Variants in NKAIN1 observed in about 807,000 individuals in gnomAD.
NKAIN1 encodes sodium/potassium-transporting ATPase subunit beta-1-interacting protein 1.
NKAIN1 carries 13 observed loss-of-function variants against 31.6 expected under a neutral mutation model. That is an observed-to-expected ratio of 0.41 (90% CI 0.27 to 0.65). The LOEUF (loss-of-function observed/expected upper bound fraction) is 0.65, where lower values mean the gene tolerates loss of function less well. NKAIN1 is among the 30% of genes least tolerant of loss of function. NKAIN1 has a pLI of 0.30. For missense variants in NKAIN1, 193 were observed against 262.2 expected (o/e 0.74, Z 1.82); for synonymous variants, 104 against 109.0 (o/e 0.95, Z 0.28).
chr1:31,208,977 G>C (rs1034223082), intron 1 of NKAIN1, among the ~76,000 whole-genome samples: 1 of 152,176 alleles, frequency 6.6e-6, no homozygotes, highest in Non-Finnish European at 1.5e-5. Context: ...GGATCCAATG[G>C]GGTAACTGAC....
chr1:31,214,490 G>A (rs972458114), intron 1 of NKAIN1, among the ~76,000 whole-genome samples: 1 of 151,896 alleles, frequency 6.6e-6, no homozygotes, highest in Non-Finnish European at 1.5e-5. Flanking sequence ...AACCAGAAAC[G>A]GATCTTGGCC....
At chr1:31,192,643 G>A (rs375694874) in intron 1 of NKAIN1, among the ~76,000 whole-genome samples, 15 of 151,464 alleles carry the variant, frequency 9.9e-5, no homozygotes, top group South Asian at 8.4e-4. Flanking sequence ...CTCCACTTCC[G>A]GGGTTCACGC....
intron 1 of NKAIN1, among the ~76,000 whole-genome samples, chr1:31,218,005 A>C (rs1645526028): frequency 8.5e-6 from 1 of 118,106 alleles, no homozygotes; most frequent in East Asian, 2.5e-4. Flanking sequence ...CCATAATCAC[A>C]GCAGCTACCA....
chr1:31,226,312 C>CAA (rs10671984), intron 1 of NKAIN1, among the ~76,000 whole-genome samples: 38,979 of 144,980 alleles, frequency 0.27, 6,951 homozygotes, highest in African/African-American at 0.52. Context: ...AGAAATGCAG[C>CAA]AAAAAAAAAA....
intron 1 of NKAIN1, among the ~76,000 whole-genome samples, chr1:31,237,846 AT>A: frequency 1.3e-5 from 2 of 152,152 alleles, no homozygotes; most frequent in African/African-American, 4.8e-5. Flanking sequence ...GTATGTATTT[AT>A]TTTTTACAAT....
chr1:31,208,664 T>C (rs946671816), intron 1 of NKAIN1, among the ~76,000 whole-genome samples: 1 of 151,504 alleles, frequency 6.6e-6, no homozygotes, highest in Non-Finnish European at 1.5e-5. Context: ...CTGATGTAAG[T>C]GCACAGTTTG....
rs2124158592 is a variant in NKAIN1 at position 31,180,799 on chromosome 1, G to A, written c.*904C>T. 6.6e-6 allele frequency: 1 copy of A among 152,382 alleles called. No individual in the cohort carries two copies. Among genetic ancestry groups the A allele is most frequent in the Non-Finnish European group, 1.5e-5 (1 of 68,090 alleles). The allele number at this position is 152,382 out of a possible 1,614,324, so 9.4% of individuals were successfully genotyped here. On this transcript the variant is annotated 3_prime_UTR_variant, in exon 7 of 7. Transcript: ENST00000373736. ...GTGTAGGAAGGCTTCTCTGTGGGTGGGGCTGAATTTGGGGCTTCATCCATC... is the reference window on the plus strand; with the variant it reads ...GTGTAGGAAGGCTTCTCTGTGGGTGAGGCTGAATTTGGGGCTTCATCCATC...
intron 1 of NKAIN1, among the ~76,000 whole-genome samples, chr1:31,194,121 G>T (rs970227604): frequency 1.3e-5 from 2 of 152,196 alleles, no homozygotes; most frequent in Non-Finnish European, 2.9e-5. Flanking sequence ...CCCGCCAGGG[G>T]AAGGCTGGCC....
At chr1:31,216,571 G>A (rs1047966410) in intron 1 of NKAIN1, among the ~76,000 whole-genome samples, 12 of 152,158 alleles carry the variant, frequency 7.9e-5, no homozygotes, top group Non-Finnish European at 2.9e-5. Flanking sequence ...CCTGGCTCAT[G>A]TCCATGAGTT....
intron 1 of NKAIN1, among the ~76,000 whole-genome samples, chr1:31,238,365 G>A (rs937638338): frequency 1.3e-5 from 2 of 152,162 alleles, no homozygotes; most frequent in South Asian, 4.1e-4. Context: ...TCCAGCATGA[G>A]GGGGGCTCAG....
At chr1:31,212,840 A>C (rs1645481103) in intron 1 of NKAIN1, among the ~76,000 whole-genome samples, 1 of 152,038 alleles carries the variant, frequency 6.6e-6, no homozygotes, top group Admixed American at 6.5e-5. Context: ...TACTAAAAAT[A>C]CAAAAAGTTA....
chr1:31,181,761 G>A, intron 6 of NKAIN1, 49 bp from the exon 7 acceptor site: 2 of 1,539,360 alleles, frequency 1.3e-6, no homozygotes, highest in Non-Finnish European at 8.8e-7. Context: ...AAAAGTATGG[G>A]GGCGGAGAGA....
chr1:31,234,743 A>T (rs1389650295), intron 1 of NKAIN1, among the ~76,000 whole-genome samples: 1 of 152,124 alleles, frequency 6.6e-6, no homozygotes, highest in African/African-American at 2.4e-5. Flanking sequence ...TCGAAATATG[A>T]TCATCTTCAT....
At chr1:31,192,238 A>G (rs935216608) in intron 1 of NKAIN1, among the ~76,000 whole-genome samples, 1 of 152,160 alleles carries the variant, frequency 6.6e-6, no homozygotes. Context: ...GCCTTCCTTC[A>G]TCCTCACACC....
intron 1 of NKAIN1, among the ~76,000 whole-genome samples, chr1:31,211,719 G>T (rs557345666): frequency 3.3e-5 from 5 of 151,980 alleles, no homozygotes; most frequent in African/African-American, 2.4e-5. Flanking sequence ...GAGGCCAAGG[G>T]GGGTGGATTG....
At chr1:31,224,984 A>T (rs991420863) in intron 1 of NKAIN1, among the ~76,000 whole-genome samples, 2 of 151,096 alleles carry the variant, frequency 1.3e-5, no homozygotes, top group African/African-American at 4.9e-5. Context: ...CCCTTGACTT[A>T]GACTGTGGTC....
chr1:31,202,673 A>AT (rs1186338955), intron 1 of NKAIN1, among the ~76,000 whole-genome samples: 30 of 46,134 alleles, frequency 6.5e-4, no homozygotes, highest in Non-Finnish European at 1.1e-3. Flanking sequence ...GAGACTCTGT[A>AT]TAAAAAAAAA....
chr1:31,188,418 C>A, intron 1 of NKAIN1: 1 of 501,142 alleles, frequency 2.0e-6, no homozygotes. Flanking sequence ...ACCTTCCTCC[C>A]TGCCAAGGAG....
intron 1 of NKAIN1, among the ~76,000 whole-genome samples, chr1:31,203,048 C>T (rs111270665): frequency 1.7e-3 from 248 of 145,652 alleles, no homozygotes; most frequent in Non-Finnish European, 2.9e-3. Flanking sequence ...CCAAGGTGGG[C>T]GGACTCCTGA....
Sources: gnomAD v4.1 joint callset for allele counts (sites outside exome capture counted in the v4.1 genomes callset) on GRCh38, gnomAD v4.1.1 for gene constraint, MANE v1.5 for transcripts, NCBI Gene and HGNC (gene_info 2026-07-23, HGNC 2026-07-21) for gene names.